Variants in ITPRID1 observed in about 807,000 individuals in gnomAD.
ITPRID1 encodes the protein ITPR interacting domain containing 1.
Under a neutral mutation model 95.4 loss-of-function variants are expected in ITPRID1, and 96 were observed. That is an observed-to-expected ratio of 1.01 (90% CI 0.85 to 1.19). ITPRID1 has a LOEUF of 1.19. ITPRID1 is among the 50% of genes most tolerant of loss of function. The pLI, the probability that ITPRID1 is intolerant of heterozygous loss-of-function variation, is 0.00. For missense variants in ITPRID1, 1,339 were observed against 1,252.9 expected, an observed-to-expected ratio of 1.07 and a Z score of -1.04; for synonymous variants, 510 against 453.6, an observed-to-expected ratio of 1.12 and a Z score of -1.58.
chr7:31,575,799 C>G (rs1785160062), intron 8 of ITPRID1, among the ~76,000 whole-genome samples: 1 of 152,252 alleles, frequency 6.6e-6, no homozygotes, highest in East Asian at 1.9e-4. Context: ...TTATCTGGAA[C>G]AGGGACTTCA....
chr7:31,612,423 GGTTT>G (rs1786915107), intron 10 of ITPRID1, among the ~76,000 whole-genome samples: 1 of 151,808 alleles, frequency 6.6e-6, no homozygotes, highest in Non-Finnish European at 1.5e-5. Context: ...GTCTTGTGAT[GGTTT>G]GTTGTAAACT....
chr7:31,551,836 A>C, intron 2 of ITPRID1: 1 of 384,960 alleles, frequency 2.6e-6, no homozygotes, highest in Non-Finnish European at 5.3e-6. Context: ...TAGAAATGCT[A>C]CTGAAGTAAG....
chr7:31,578,663 C>T (rs2128147143), intron 9 of ITPRID1, among the ~76,000 whole-genome samples: 1 of 152,294 alleles, frequency 6.6e-6, no homozygotes, highest in Non-Finnish European at 1.5e-5. Context: ...TTCTTGCTCG[C>T]AGTTGAATCC....
downstream of ITPRID1, among the ~76,000 whole-genome samples, chr7:31,657,324 CA>C (rs1371621867): frequency 1.3e-5 from 2 of 152,202 alleles, no homozygotes; most frequent in Non-Finnish European, 1.5e-5. Context: ...TGGTGCCTAA[CA>C]CTAGGCCCAA....
chr7:31,619,434 C>T (rs996110387), intron 10 of ITPRID1, among the ~76,000 whole-genome samples: 1 of 152,108 alleles, frequency 6.6e-6, no homozygotes, highest in African/African-American at 2.4e-5. Flanking sequence ...ATGTTCCTAA[C>T]TTATTGTTTC....
At chr7:31,636,863 T>C (rs1292664215) in intron 10 of ITPRID1, among the ~76,000 whole-genome samples, 2 of 145,396 alleles carry the variant, frequency 1.4e-5, no homozygotes, top group African/African-American at 2.5e-5. Context: ...TATCTCCTAA[T>C]GCTATCCCTC....
At chr7:31,598,398 C>CTTTTTTTTTTTTTT (rs869161999) in intron 10 of ITPRID1, among the ~76,000 whole-genome samples, 50 of 106,842 alleles carry the variant, frequency 4.7e-4, no homozygotes, top group African/African-American at 7.3e-4. Context: ...TTTTTTTTTT[C>CTTTTTTTTTTTTTT]TTTTTTTTTT....
intron 10 of ITPRID1, among the ~76,000 whole-genome samples, chr7:31,618,532 T>TA (rs1426551429): frequency 6.6e-6 from 1 of 152,168 alleles, no homozygotes; most frequent in Non-Finnish European, 1.5e-5. Flanking sequence ...CAGGGGCCCC[T>TA]TCTTCTCAGA....
At chr7:31,523,085 C>T (rs745813116) in intron 1 of ITPRID1, among the ~76,000 whole-genome samples, 2 of 152,156 alleles carry the variant, frequency 1.3e-5, no homozygotes, top group Non-Finnish European at 2.9e-5. Flanking sequence ...TTGTAAAGCA[C>T]TCAGCACAGT....
At chr7:31,531,986 G>A (rs1052053213) in intron 1 of ITPRID1, among the ~76,000 whole-genome samples, 1 of 152,002 alleles carries the variant, frequency 6.6e-6, no homozygotes, top group Non-Finnish European at 1.5e-5. Flanking sequence ...AACAACTTAC[G>A]TCAGGCCTAA....
At chr7:31,534,897 T>C (rs1048659287) in intron 1 of ITPRID1, among the ~76,000 whole-genome samples, 2 of 152,170 alleles carry the variant, frequency 1.3e-5, no homozygotes, top group African/African-American at 2.4e-5. Flanking sequence ...ACATTTTATC[T>C]TCGCTTTTTA....
At chr7:31,574,863 C>T in intron 8 of ITPRID1, 121 bp downstream of exon 8, 2 of 828,068 alleles carry the variant, frequency 2.4e-6, no homozygotes, top group Admixed American at 4.5e-5. Context: ...AGTGACTTCA[C>T]ACACAAAAGA....
chr7:31,634,876 C>T (rs796316188), intron 10 of ITPRID1, among the ~76,000 whole-genome samples: 40 of 152,244 alleles, frequency 2.6e-4, no homozygotes, highest in African/African-American at 9.6e-4. Flanking sequence ...GTGGCTCCTT[C>T]GGCATATTGA....
chr7:31,592,194 C>G (rs1181264100), intron 10 of ITPRID1, among the ~76,000 whole-genome samples: 1 of 152,168 alleles, frequency 6.6e-6, no homozygotes, highest in East Asian at 1.9e-4. Flanking sequence ...CTTTCCAGGA[C>G]AATGTCCTCA....
intron 1 of ITPRID1, among the ~76,000 whole-genome samples, chr7:31,537,088 G>T (rs926785540): frequency 8.5e-6 from 1 of 117,816 alleles, no homozygotes; most frequent in African/African-American, 3.5e-5. Context: ...CCTAGAAGGT[G>T]TGTGTGTTGT....
At chr7:31,519,283 T>A (rs1783141973) in intron 1 of ITPRID1, among the ~76,000 whole-genome samples, 1 of 152,100 alleles carries the variant, frequency 6.6e-6, no homozygotes, top group Non-Finnish European at 1.5e-5. Context: ...GCACAGGGTA[T>A]TGGTTGAGCT....
At chr7:31,614,355 A>T (rs1787017222) in intron 10 of ITPRID1, among the ~76,000 whole-genome samples, 1 of 152,088 alleles carries the variant, frequency 6.6e-6, no homozygotes, top group South Asian at 2.1e-4. Context: ...GGCGAGGCTC[A>T]ACTTTAGCTC....
chr7:31,651,951 G>A lies in ITPRID1; in HGVS notation c.2724G>A (p.Glu908=), dbSNP rs780022225. Residue 908 remains glutamate, a synonymous_variant, in exon 14 of 15, where the codon GAG becomes GAA. Coordinates refer to ENST00000615280, the MANE Select transcript of ITPRID1 (RefSeq NM_001257967.3). ...TATTTACTTGCAGGGAGGAGGCCGA[G>A]CAACTGCAAACGTTACGTGAGGCCC... ...DMSEEEREEA[E]QLQTLREALR... is the part of the protein sequence containing the mutation. 2.2e-5 allele frequency: 35 copies of A among 1,596,538 alleles called. No individual in the cohort carries two copies. Among genetic ancestry groups the A allele is most frequent in the Non-Finnish European group, 3.0e-5 (35 of 1,171,498 alleles).
intron 10 of ITPRID1, among the ~76,000 whole-genome samples, chr7:31,634,562 C>T (rs1263061926): frequency 2.0e-5 from 3 of 152,118 alleles, no homozygotes; most frequent in African/African-American, 4.8e-5. Context: ...TCCAGTAGAG[C>T]AGGCTTCAAA....
Sources: allele counts gnomAD v4.1 joint callset (sites outside exome capture counted in the v4.1 genomes callset), GRCh38; gene constraint gnomAD v4.1.1; transcripts MANE v1.5; gene names NCBI Gene and HGNC (gene_info 2026-07-23, HGNC 2026-07-21).